The following RUBCN variants were observed in gnomAD, a reference collection of about 807,000 sequenced individuals.
The protein encoded by RUBCN is rubicon autophagy regulator.
RUBCN carries 74 observed loss-of-function variants against 113.2 expected under a neutral mutation model. That is an observed-to-expected ratio of 0.65 (90% CI 0.54 to 0.79). RUBCN has a LOEUF of 0.79. Among genes scored for constraint, RUBCN ranks in the 30% least tolerant of loss-of-function variants. The pLI is 0.00. For synonymous variants in RUBCN, 480 were observed against 490.0 expected, an observed-to-expected ratio of 0.98 and a Z score of 0.27; for missense variants, 1,109 against 1,251.7, an observed-to-expected ratio of 0.89 and a Z score of 1.72.
At chr3:197,679,901 T>A (rs1720999349) in intron 16 of RUBCN, among the ~76,000 whole-genome samples, 1 of 145,770 alleles carries the variant, frequency 6.9e-6, no homozygotes, top group Non-Finnish European at 1.5e-5. Flanking sequence ...GACAACTGGC[T>A]TCAGACTGTC....
intron 11 of RUBCN, among the ~76,000 whole-genome samples, chr3:197,687,894 C>G (rs979521656): frequency 6.6e-6 from 1 of 152,162 alleles, no homozygotes; most frequent in Admixed American, 6.5e-5. Flanking sequence ...TTCAGGGAAC[C>G]CCACCATCCA....
At chr3:197,692,514 G>C (rs1235368211) in intron 11 of RUBCN, among the ~76,000 whole-genome samples, 1 of 151,680 alleles carries the variant, frequency 6.6e-6, no homozygotes, top group Non-Finnish European at 1.5e-5. Flanking sequence ...ACCTGTGTCT[G>C]GCATCTGAAG....
intron 7 of RUBCN, among the ~76,000 whole-genome samples, chr3:197,699,770 C>T (rs886374205): frequency 7.2e-5 from 11 of 152,176 alleles, no homozygotes; most frequent in African/African-American, 2.4e-4. Flanking sequence ...GAAAGCAACG[C>T]TATCTCCAGT....
intron 8 of RUBCN, 89 bp from the exon 9 acceptor site, chr3:197,696,070 G>A (rs1722966290): frequency 2.4e-6 from 3 of 1,265,104 alleles, no homozygotes; most frequent in Non-Finnish European, 3.4e-6. Context: ...AGTCTTCCCA[G>A]GTAACTGGGA....
intron 1 of RUBCN, among the ~76,000 whole-genome samples, chr3:197,730,915 T>TA (rs34320750): frequency 7.2e-6 from 1 of 139,730 alleles, no homozygotes; most frequent in East Asian, 2.0e-4. Flanking sequence ...TTTTTTTTTT[T>TA]ACAGTTTCAA....
At chr3:197,702,936 CT>C (rs2108909820) in intron 5 of RUBCN, among the ~76,000 whole-genome samples, 1 of 152,290 alleles carries the variant, frequency 6.6e-6, no homozygotes, top group East Asian at 1.9e-4. Flanking sequence ...AACCATCCCT[CT>C]TTTCCCCAGA....
In RUBCN at chr3:197,704,615, C is replaced by T; in HGVS notation, c.390G>A (p.Leu130=). 2 of 1,614,166 alleles carry T rather than the reference C, an allele frequency of 1.2e-6. No homozygotes were observed. The highest frequency in any genetic ancestry group is 1.7e-5 in the Admixed American group (1 of 60,024). Residue 130 remains leucine (L), a synonymous_variant, in exon 4 of 20, where the codon CTG becomes CTA. Transcript: ENST00000296343. ...GCTGGGCTGAGAGGCAGTGGTACTG[C>T]AGGCTGTGCTGCAGCCACAGCTCGG... is the stretch of plus-strand genomic sequence containing the variant. ...AVAELWLQHS[L]QYHCLSAQLR...
intron 4 of RUBCN, 83 bp downstream of exon 4, chr3:197,704,459 C>A: frequency 7.6e-7 from 1 of 1,317,756 alleles, no homozygotes; most frequent in Admixed American, 1.7e-5. Context: ...AAATAGGAGG[C>A]CCTGGTACCA....
At chr3:197,696,074 A>C in intron 8 of RUBCN, 93 bp from the exon 9 acceptor site, 18 of 1,197,196 alleles carry the variant, frequency 1.5e-5, no homozygotes, top group African/African-American at 4.5e-5. Flanking sequence ...TTCCCAGGTA[A>C]CTGGGAATTA....
chr3:197,695,897 T>C lies in RUBCN; in HGVS notation c.1442A>G (p.Gln481Arg). 1 of 1,614,200 alleles carries C rather than the reference T, an allele frequency of 6.2e-7. No homozygotes were observed. Residue 481 changes from glutamine to arginine, a missense_variant, in exon 9 of 20, where the codon CAA (glutamine) becomes CGA (arginine). Transcript: ENST00000296343. ...GQSLISYLSEQDFGSCADLEK... is the reference protein window; with the variant it reads ...GQSLISYLSERDFGSCADLEK... The stretch of plus-strand genomic sequence containing the variant: ...CAGGTCGGCACAGCTGCCGAAGTCT[T>C]GCTCAGAGAGGTAGCTGATGAGGGA...
intron 16 of RUBCN, among the ~76,000 whole-genome samples, chr3:197,679,916 G>A (rs1253358125): frequency 1.2e-4 from 16 of 136,300 alleles, no homozygotes; most frequent in African/African-American, 4.2e-4. Flanking sequence ...ACTGTCCTAC[G>A]CTCTGACAAC....
At chr3:197,682,069 A>G (rs1441707911) in intron 14 of RUBCN, among the ~76,000 whole-genome samples, 170 bp from the exon 15 acceptor site, 3 of 152,290 alleles carry the variant, frequency 2.0e-5, no homozygotes, top group South Asian at 4.1e-4. Flanking sequence ...CTAACTCCAT[A>G]TAAGATTTAG....
intron 1 of RUBCN, among the ~76,000 whole-genome samples, chr3:197,743,650 A>G (rs1392640475): frequency 6.6e-6 from 1 of 152,214 alleles, no homozygotes. Context: ...TAGTGTATAT[A>G]TAAGTAGTTT....
intron 11 of RUBCN, among the ~76,000 whole-genome samples, chr3:197,687,382 T>A (rs1157404330): frequency 6.6e-6 from 1 of 152,248 alleles, no homozygotes; most frequent in African/African-American, 2.4e-5. Flanking sequence ...ACGTTCCTTT[T>A]TATCTGTTAT....
At chr3:197,731,749 G>A (rs1277465815) in intron 1 of RUBCN, among the ~76,000 whole-genome samples, 1 of 150,230 alleles carries the variant, frequency 6.7e-6, no homozygotes, top group East Asian at 2.0e-4. Context: ...CGGGCGGGGG[G>A]CTGACCCCCC....
chr3:197,709,971 G>C (rs995479135), intron 2 of RUBCN, among the ~76,000 whole-genome samples: 1 of 151,866 alleles, frequency 6.6e-6, no homozygotes, highest in African/African-American at 2.4e-5. Flanking sequence ...AGGAGTTCGA[G>C]GCCAGCCTGG....
Position 197,672,251 on chromosome 3 carries a change from C to G in RUBCN, c.*2767G>C, listed in dbSNP as rs114705885. 2 of 152,196 alleles carry G rather than the reference C, an allele frequency of 1.3e-5. No individual in the cohort carries two copies. The highest frequency in any genetic ancestry group is 2.9e-5 in the Non-Finnish European group (2 of 68,030). The allele number at this position is 152,196 out of a possible 1,614,324, so 9.4% of individuals were successfully genotyped here. On this transcript the variant is annotated 3_prime_UTR_variant, in exon 20 of 20. Coordinates refer to ENST00000296343, the MANE Select transcript of RUBCN (RefSeq NM_014687.4). ...TTGAATCTTGTCTCCACCTGGTAAGCAAACTATGTTTTTTTTCTTTCCCTT... is the reference window on the plus strand; with the variant it reads ...TTGAATCTTGTCTCCACCTGGTAAGGAAACTATGTTTTTTTTCTTTCCCTT...
intron 16 of RUBCN, among the ~76,000 whole-genome samples, chr3:197,679,132 A>G (rs1026297406): frequency 2.7e-5 from 4 of 149,006 alleles, no homozygotes; most frequent in African/African-American, 1.0e-4. Flanking sequence ...TGCTCTGACA[A>G]CTGGCTTCAG....
At chr3:197,719,464 G>C (rs924108918) in intron 1 of RUBCN, among the ~76,000 whole-genome samples, 1 of 134,428 alleles carries the variant, frequency 7.4e-6, no homozygotes, top group African/African-American at 2.8e-5. Flanking sequence ...GGCAACAAGT[G>C]TGAGATTGTC....
Sources: allele counts gnomAD v4.1 joint callset (sites outside exome capture counted in the v4.1 genomes callset), GRCh38; gene constraint gnomAD v4.1.1; transcripts MANE v1.5; gene names NCBI Gene and HGNC (gene_info 2026-07-23, HGNC 2026-07-21).